The following PSAT1 variants were observed in gnomAD, a reference collection of about 807,000 sequenced individuals.
PSAT1 encodes the protein phosphoserine aminotransferase.
PSAT1 carries 41 observed loss-of-function variants against 40.3 expected under a neutral mutation model. The ratio of observed to expected loss-of-function variants is 1.02; its 90% CI spans 0.79 to 1.32. The LOEUF (loss-of-function observed/expected upper bound fraction) is 1.32, where lower values mean the gene tolerates loss of function less well. Ranked by LOEUF, PSAT1 falls within the 40% of genes most tolerant of loss-of-function variation. The probability of loss-of-function intolerance (pLI) is 0.00; values close to 1 mark genes in which losing one functional copy is unlikely to be tolerated. For synonymous variants in PSAT1, 147 were observed against 170.5 expected (o/e 0.86, Z 1.07); for missense variants, 406 against 455.8 (o/e 0.89, Z 0.99).
intron 7 of PSAT1, among the ~76,000 whole-genome samples, chr9:78,326,336 C>T (rs957263321): frequency 5.9e-5 from 9 of 152,032 alleles, no homozygotes; most frequent in Non-Finnish European, 1.2e-4. Flanking sequence ...AAAAAAATTG[C>T]AGAGTAATGT....
chr9:78,301,952 A>G lies in PSAT1; in HGVS notation c.122-2A>G. 6.2e-7 allele frequency: 1 copy of G among 1,601,810 alleles called. No individual in the cohort carries two copies. The highest frequency in any genetic ancestry group is 8.6e-7 in the Non-Finnish European group (1 of 1,168,886). On this transcript the variant is annotated splice_acceptor_variant, in intron 2 of 8. Transcript: ENST00000376588. LOFTEE classifies it high-confidence loss of function. ...TATTGTTGTTTATCTTTCCTTTCAC[A>G]GAAATGAGTCACAGGTCATCAGATT...
rs188299911 is a variant in PSAT1 at position 78,313,654 on chromosome 9, T to A, written c.741-4022T>A. On this transcript the variant is annotated intron_variant, in intron 6 of 8. Coordinates refer to ENST00000376588, the MANE Select transcript of PSAT1 (RefSeq NM_058179.4). The stretch of plus-strand genomic sequence containing the variant: ...TTTTATTTTTTACTTTTAAATTTTA[T>A]TTTTGTTAGAGACAGGGTCTTGCTC... Among the ~76,000 whole-genome samples the A allele has an allele frequency of 2.9e-3, 447 of 152,344 alleles. 1 individual carries two copies. Among genetic ancestry groups the A allele is most frequent in the Non-Finnish European group, 4.2e-3 (283 of 68,032 alleles).
chr9:78,299,144 C>CAAAAAAAAAAA (rs71360679), intron 1 of PSAT1, among the ~76,000 whole-genome samples: 2 of 87,288 alleles, frequency 2.3e-5, no homozygotes, highest in Non-Finnish European at 4.2e-5. Flanking sequence ...TGTCTCTTAA[C>CAAAAAAAAAAA]AAAAAAAAAA....
At chr9:78,326,955 A>ATATATATATTTTTT in intron 7 of PSAT1, among the ~76,000 whole-genome samples, 21 of 75,930 alleles carry the variant, frequency 2.8e-4, no homozygotes, top group African/African-American at 1.3e-3. Context: ...ATATATATAT[A>ATATATATATTTTTT]TTTTTTTTTT....
chr9:78,300,519 TCC>T lies in PSAT1; in HGVS notation c.61-80_61-79del, dbSNP rs1828091705. 1.1e-5 allele frequency: 17 copies of T among 1,508,500 alleles called. No homozygotes were observed. In the South Asian group the frequency reaches 2.2e-4, roughly 19 times the overall value. The allele number at this position is 1,508,500 out of a possible 1,614,324, so 93.4% of individuals were successfully genotyped here. A position where few individuals can be genotyped will look rare whatever the true frequency, so the allele number is the denominator to read the frequency against. ...GGACCTCACTGTAGACCCTTCCTTG[TCC>T]CCTCGTCAGGTTTGTATGTTCAGAG... On this transcript the variant is annotated intron_variant, in intron 1 of 8. Transcript: ENST00000376588.
chr9:78,326,325 T>A (rs565536207), intron 7 of PSAT1, among the ~76,000 whole-genome samples: 23 of 152,218 alleles, frequency 1.5e-4, no homozygotes, highest in South Asian at 1.0e-3. Context: ...TACCTTTTTT[T>A]AAAAAAATTG....
intron 3 of PSAT1, among the ~76,000 whole-genome samples, chr9:78,302,478 C>T (rs1442583614): frequency 6.6e-6 from 1 of 152,066 alleles, no homozygotes; most frequent in Non-Finnish European, 1.5e-5. Context: ...CCTGTAATCC[C>T]AGCACTTTGG....
chr9:78,326,053 T>A (rs1279841227), intron 7 of PSAT1, among the ~76,000 whole-genome samples: 2 of 152,198 alleles, frequency 1.3e-5, no homozygotes, highest in African/African-American at 2.4e-5. Context: ...ATGTCAGCCG[T>A]GAAACCTACC....
chr9:78,317,278 G>A (rs1828358940), intron 6 of PSAT1, among the ~76,000 whole-genome samples: 1 of 151,894 alleles, frequency 6.6e-6, no homozygotes, highest in African/African-American at 2.4e-5. Flanking sequence ...TTGGAGACAG[G>A]ATCTCGCTCT....
chr9:78,308,157 G>T (rs994703485), intron 5 of PSAT1, among the ~76,000 whole-genome samples: 10 of 152,196 alleles, frequency 6.6e-5, no homozygotes, highest in Non-Finnish European at 7.3e-5. Context: ...GTGAATATGT[G>T]CCAGGACTTT....
rs1828184085 is a variant in PSAT1, at chr9:78,306,397, G to A, written c.481G>A (p.Glu161Lys). ...CGCAAATGAGACGGTGCATGGTGTG[G>A]AGTTTGACTTTATACCCGATGTCAA... ...YCANETVHGV[E>K]FDFIPDVKGA... Residue 161 changes from glutamate (E) to lysine (K), a missense_variant, in exon 5 of 9, where the codon GAG (glutamate) becomes AAG (lysine). Physicochemically the swap from Glu to Lys is moderately conservative, Grantham distance 56 (BLOSUM62 1). Coordinates refer to ENST00000376588, the MANE Select transcript of PSAT1 (RefSeq NM_058179.4). The A allele has an allele frequency of 1.2e-6, 2 of 1,613,940 alleles. No individual in the cohort carries two copies. The highest frequency in any genetic ancestry group is 3.3e-5 in the Admixed American group (2 of 60,014).
chr9:78,298,464 G>A, intron 1 of PSAT1: 2 of 980,840 alleles, frequency 2.0e-6, no homozygotes, highest in Non-Finnish European at 2.4e-6. Context: ...AGCGCTCACA[G>A]TAGCTGAGAG....
chr9:78,302,494 C>T lies in PSAT1; in HGVS notation c.191+471C>T, dbSNP rs191977762. On this transcript the variant is annotated intron_variant, in intron 3 of 8. Coordinates refer to ENST00000376588, the MANE Select transcript of PSAT1 (RefSeq NM_058179.4). ...CTGTAATCCCAGCACTTTGGGAGGC[C>T]GAGGCGGGTGGATCGTGAGATCAGG... Among the ~76,000 whole-genome samples, 653 of 151,984 alleles carry T rather than the reference C, an allele frequency of 4.3e-3. 2 individuals are homozygous for T. Among genetic ancestry groups the T allele is most frequent in the African/African-American group, 0.014 (588 of 41,422 alleles).
intron 7 of PSAT1, among the ~76,000 whole-genome samples, chr9:78,323,577 C>T (rs912309016): frequency 2.0e-5 from 3 of 151,972 alleles, no homozygotes; most frequent in African/African-American, 7.3e-5. Flanking sequence ...GAGACCCTGT[C>T]TCAAACAAAA....
chr9:78,298,033 C>T (rs943782916), intron 1 of PSAT1, among the ~76,000 whole-genome samples: 6 of 151,762 alleles, frequency 4.0e-5, no homozygotes, highest in African/African-American at 1.5e-4. Context: ...AGACTTTGGG[C>T]TGCTTAACCC....
rs1267866030 is a variant in PSAT1, at chr9:78,306,425, G to C, written c.509G>C (p.Gly170Ala). The C allele has an allele frequency of 1.2e-6, 2 of 1,614,012 alleles. No individual in the cohort carries two copies. The highest frequency in any genetic ancestry group is 1.7e-6 in the Non-Finnish European group (2 of 1,180,044). ...VEFDFIPDVK[G>A]AVLVCDMSSN... ...TTTGACTTTATACCCGATGTCAAGGGAGCAGTACTGGTTTGTGACATGTCC... is the reference window on the plus strand; with the variant it reads ...TTTGACTTTATACCCGATGTCAAGGCAGCAGTACTGGTTTGTGACATGTCC... Residue 170 changes from glycine to alanine, a missense_variant, in exon 5 of 9, where the codon GGA becomes GCA. Coordinates refer to ENST00000376588, the MANE Select transcript of PSAT1 (RefSeq NM_058179.4).
chr9:78,298,322 T>G (rs1587630824), intron 1 of PSAT1: 1 of 985,314 alleles, frequency 1.0e-6, no homozygotes, highest in Non-Finnish European at 1.2e-6. Context: ...GCATGAGGCA[T>G]AGCCAAGTAT....
At position 78,299,514 on chromosome 9, in the gene PSAT1, C is replaced by CTTTTTTTTTTTTTAATCTAATTCTTTTT. The variant is rs1828076440; in HGVS notation, c.61-1075_61-1074insAATCTAATTCTTTTTTTTTTTTTTTTTT. 4.6e-3 allele frequency among the ~76,000 whole-genome samples: 551 copies of CTTTTTTTTTTTTTAATCTAATTCTTTTT among 118,502 alleles called. 10 individuals are homozygous for CTTTTTTTTTTTTTAATCTAATTCTTTTT. Among genetic ancestry groups the CTTTTTTTTTTTTTAATCTAATTCTTTTT allele is most frequent in the South Asian group, 0.012 (41 of 3,370 alleles). The allele number at this position is 118,502 out of a possible 152,430, so 77.7% of individuals were successfully genotyped here. A position where few individuals can be genotyped will look rare whatever the true frequency, so the allele number is the denominator to read the frequency against. On this transcript the variant is annotated intron_variant, in intron 1 of 8. Transcript: ENST00000376588. The stretch of plus-strand genomic sequence containing the variant: ...AGGCAGTCTTTTTTTTAATCTAATT[C>CTTTTTTTTTTTTTAATCTAATTCTTTTT]TTTTTTTTTTTTTTTTTTGAGAGAA...
chr9:78,313,423 G>T (rs192570592), intron 6 of PSAT1, among the ~76,000 whole-genome samples: 1 of 152,096 alleles, frequency 6.6e-6, no homozygotes, highest in African/African-American at 2.4e-5. Flanking sequence ...AGACTTGCAG[G>T]TGGGCAGAGT....
Sources: gnomAD v4.1 joint callset for allele counts (sites outside exome capture counted in the v4.1 genomes callset) on GRCh38, gnomAD v4.1.1 for gene constraint, MANE v1.5 for transcripts, NCBI Gene and HGNC (gene_info 2026-07-23, HGNC 2026-07-21) for gene names.